The following MRLN variants were observed in gnomAD, a reference collection of about 807,000 sequenced individuals.
MRLN encodes myoregulin, also known as Linc-RNA activator of myogenesis.
At chr10:59,744,595 C>T (rs534978655) in intron 1 of MRLN, among the ~76,000 whole-genome samples, 2 of 152,154 alleles carry the variant, frequency 1.3e-5, no homozygotes, top group Non-Finnish European at 2.9e-5. Context: ...CAGCCGCCAC[C>T]CGGTCTGGGA....
chr10:59,743,434 A>G (rs1426747700), intron 1 of MRLN, among the ~76,000 whole-genome samples: 2 of 152,192 alleles, frequency 1.3e-5, no homozygotes, highest in African/African-American at 4.8e-5. Context: ...CATTTTAATG[A>G]AAGTATGTAA....
At position 59,752,450 on chromosome 10, in the gene MRLN, C is replaced by T. The variant is rs771627876; in HGVS notation, c.-125+904G>A. The stretch of plus-strand genomic sequence containing the variant: ...TTTTACAAATGAGCAAACTGAGGCT[C>T]AGAGTGGTTGAGTACTTTCTTAGGA... On this transcript the variant is annotated intron_variant, in intron 1 of 2. Coordinates refer to ENST00000414264, the MANE Select transcript of MRLN (RefSeq NM_001304731.2). 1.9e-3 allele frequency among the ~76,000 whole-genome samples: 290 copies of T among 152,286 alleles called. 1 individual carries two copies. Among genetic ancestry groups the T allele is most frequent in the Non-Finnish European group, 3.5e-3 (239 of 68,018 alleles).
intron 1 of MRLN, among the ~76,000 whole-genome samples, chr10:59,748,718 T>A (rs549970223): frequency 6.6e-6 from 1 of 152,222 alleles, no homozygotes; most frequent in African/African-American, 2.4e-5. Flanking sequence ...CAGTGACTTT[T>A]TCCAAAGCTA....
chr10:59,745,638 C>T (rs761336510), intron 1 of MRLN, among the ~76,000 whole-genome samples: 8 of 151,912 alleles, frequency 5.3e-5, no homozygotes, highest in Non-Finnish European at 8.8e-5. Context: ...TTTATTTCTT[C>T]CTTTGATTGT....
At chr10:59,739,018 G>A (rs1840952852) in intron 1 of MRLN, 1 of 152,028 alleles carries the variant, frequency 6.6e-6, no homozygotes, top group Non-Finnish European at 1.5e-5. Context: ...AGCTACTCAG[G>A]AGGCCAAGGT....
chr10:59,744,818 C>T (rs1171590), intron 1 of MRLN: 91,747 of 171,508 alleles, frequency 0.53, 25,550 homozygotes, highest in Admixed American at 0.61. Context: ...CCCCCAACTC[C>T]GTGCTCTCTG....
chr10:59,739,116 C>A (rs1327394771), intron 1 of MRLN: 1 of 151,060 alleles, frequency 6.6e-6, no homozygotes, highest in African/African-American at 2.4e-5. Context: ...GAGGGAGATT[C>A]CGTCTCAAAA....
At chr10:59,741,651 T>G (rs1373553922) in intron 1 of MRLN, among the ~76,000 whole-genome samples, 1 of 152,188 alleles carries the variant, frequency 6.6e-6, no homozygotes, top group East Asian at 1.9e-4. Flanking sequence ...CCCAAAATGC[T>G]AGGATTACAG....
At chr10:59,740,997 C>T (rs1203844704) in intron 1 of MRLN, among the ~76,000 whole-genome samples, 1 of 152,114 alleles carries the variant, frequency 6.6e-6, no homozygotes, top group Non-Finnish European at 1.5e-5. Flanking sequence ...GGTATTTCAC[C>T]ATGTTGGCCA....
chr10:59,737,025 C>G lies in MRLN; in HGVS notation c.*35G>C, dbSNP rs1466271214. ...ATACAAATTTTTATTCACTGTAATT[C>G]AGTTTGAAATGTACATGGAAAGGAA... On this transcript the variant is annotated 3_prime_UTR_variant, in exon 3 of 3. Transcript: ENST00000414264. 7.7e-6 allele frequency: 3 copies of G among 391,814 alleles called. No homozygotes were observed. Among genetic ancestry groups the G allele is most frequent in the Admixed American group, 8.9e-5 (2 of 22,486 alleles). The allele number at this position is 391,814 out of a possible 1,614,324, so 24.3% of individuals were successfully genotyped here.
intron 1 of MRLN, among the ~76,000 whole-genome samples, chr10:59,741,494 C>T (rs983885893): frequency 8.5e-5 from 13 of 152,110 alleles, no homozygotes; most frequent in African/African-American, 3.1e-4. Context: ...GCGATGCTCC[C>T]ACCTCAGCCT....
chr10:59,750,135 C>A (rs1036215561), intron 1 of MRLN, among the ~76,000 whole-genome samples: 53 of 125,512 alleles, frequency 4.2e-4, no homozygotes, highest in African/African-American at 1.6e-3. Flanking sequence ...TGCAATGGCA[C>A]AATCTTGGCT....
In MRLN at chr10:59,751,033, C is replaced by A. The variant is rs567836171; in HGVS notation, c.-125+2321G>T. 6.6e-5 allele frequency among the ~76,000 whole-genome samples: 10 copies of A among 152,182 alleles called. No individual in the cohort carries two copies. In the South Asian group the frequency reaches 1.7e-3, roughly 25 times the overall value. ...GAGTATTCAAAGGCATTTGGCAAAA[C>A]CTTTTAAACTGCCTACTTGGCCTGC... On this transcript the variant is annotated intron_variant, in intron 1 of 2. Transcript: ENST00000414264.
chr10:59,743,854 C>G (rs184907279), intron 1 of MRLN, among the ~76,000 whole-genome samples: 3 of 152,148 alleles, frequency 2.0e-5, no homozygotes, highest in African/African-American at 4.8e-5. Context: ...TTGGTGGAGA[C>G]GGGGTTTCGC....
In MRLN at chr10:59,737,284, A is replaced by G. The variant is rs532401154; in HGVS notation, c.-20-64T>C. On this transcript the variant is annotated intron_variant, in intron 2 of 2. Coordinates refer to ENST00000414264, the MANE Select transcript of MRLN (RefSeq NM_001304731.2). ...TTATAATACTGATTCTTTCAACTCA[A>G]TCTAATATTTCCACTATAAAAAGAT... 1.3e-5 allele frequency: 5 copies of G among 383,728 alleles called. No individual in the cohort carries two copies. In the East Asian group the frequency reaches 1.8e-4, roughly 14 times the overall value. The allele number at this position is 383,728 out of a possible 1,614,324, so 23.8% of individuals were successfully genotyped here.
intron 1 of MRLN, chr10:59,739,075 A>G (rs1185237581): frequency 6.6e-6 from 1 of 152,150 alleles, no homozygotes; most frequent in Non-Finnish European, 1.5e-5. Flanking sequence ...GTAAGCCGAG[A>G]TGGTGCCACT....
At chr10:59,739,132 A>T (rs1024087007) in intron 1 of MRLN, 4 of 152,132 alleles carry the variant, frequency 2.6e-5, no homozygotes, top group Non-Finnish European at 5.9e-5. Flanking sequence ...CAAAAAAAAA[A>T]AAAGAAAAGA....
At chr10:59,740,176 C>T (rs941527807) in intron 1 of MRLN, among the ~76,000 whole-genome samples, 4 of 151,886 alleles carry the variant, frequency 2.6e-5, no homozygotes, top group African/African-American at 9.7e-5. Flanking sequence ...TAGCACAATG[C>T]ATTACTCATG....
intron 1 of MRLN, among the ~76,000 whole-genome samples, chr10:59,746,981 G>A (rs1314427020): frequency 6.6e-6 from 1 of 152,110 alleles, no homozygotes; most frequent in East Asian, 1.9e-4. Context: ...TGTATTTTTA[G>A]TAGAGATGGG....
Sources: gnomAD v4.1 joint callset for allele counts (sites outside exome capture counted in the v4.1 genomes callset) on GRCh38, gnomAD v4.1.1 for gene constraint, MANE v1.5 for transcripts, NCBI Gene and HGNC (gene_info 2026-07-23, HGNC 2026-07-21) for gene names.